PRKCA: variants seen among roughly 807,000 people sequenced by gnomAD.
PRKCA encodes the protein protein kinase C alpha type.
PRKCA carries 27 observed loss-of-function variants against 87.0 expected under a neutral mutation model. The ratio of observed to expected loss-of-function variants is 0.31; its 90% CI spans 0.23 to 0.43. The LOEUF (loss-of-function observed/expected upper bound fraction) is 0.43. Ranked by LOEUF, PRKCA falls within the 20% of genes least tolerant of loss-of-function variation. PRKCA has a pLI of 1.00. For synonymous variants in PRKCA, 329 were observed against 311.1 expected (o/e 1.06, Z -0.61); for missense variants, 518 against 852.3 (o/e 0.61, Z 4.88).
chr17:66,424,755 C>T (rs550146239), intron 2 of PRKCA, among the ~76,000 whole-genome samples: 1 of 151,402 alleles, frequency 6.6e-6, no homozygotes, highest in Non-Finnish European at 1.5e-5. Context: ...CCCACCCCCA[C>T]CGCCTTTTTT....
chr17:66,428,081 A>AT (rs1045952589), intron 2 of PRKCA, among the ~76,000 whole-genome samples: 3 of 151,930 alleles, frequency 2.0e-5, no homozygotes, highest in Non-Finnish European at 4.4e-5. Context: ...TACTTGTATG[A>AT]TTTTTTTCTC....
chr17:66,687,057 G>A, intron 5 of PRKCA, 54 bp from the exon 6 acceptor site: 2 of 1,458,698 alleles, frequency 1.4e-6, no homozygotes, highest in Non-Finnish European at 1.9e-6. Context: ...CAAGACAGCG[G>A]GCAATATAGG....
At chr17:66,777,678 G>C (rs984539147) in intron 14 of PRKCA, 1 of 985,192 alleles carries the variant, frequency 1.0e-6, no homozygotes, top group Non-Finnish European at 1.2e-6. Flanking sequence ...CCACTTGAAT[G>C]TTCAGCTCTT....
chr17:66,366,920 A>G (rs1908763994), intron 2 of PRKCA, among the ~76,000 whole-genome samples: 1 of 152,224 alleles, frequency 6.6e-6, no homozygotes, highest in Admixed American at 6.5e-5. Flanking sequence ...CTAAATTGTG[A>G]CATGCATTGA....
rs576574106 is a variant in PRKCA, at chr17:66,731,846, C to T, written c.919-842C>T. Among the ~76,000 whole-genome samples the T allele has an allele frequency of 1.7e-4, 23 of 132,280 alleles. 1 individual carries two copies. In the South Asian group the frequency reaches 3.3e-3, roughly 19 times the overall value. The allele number at this position is 132,280 out of a possible 152,430, so 86.8% of individuals were successfully genotyped here. ...GTCGCCAGGCTGGAGTGCAATGGCG[C>T]GATCTCAGCTCACTGCAACCTCCGC... On this transcript the variant is annotated intron_variant, in intron 8 of 16. Coordinates refer to ENST00000413366, the MANE Select transcript of PRKCA (RefSeq NM_002737.3).
intron 2 of PRKCA, among the ~76,000 whole-genome samples, chr17:66,335,685 A>G (rs1906619239): frequency 6.6e-6 from 1 of 152,102 alleles, no homozygotes; most frequent in Non-Finnish European, 1.5e-5. Context: ...CCCACATTAC[A>G]TATATTTTGA....
At chr17:66,500,055 C>T (rs1598723499) in intron 3 of PRKCA, among the ~76,000 whole-genome samples, 1 of 152,110 alleles carries the variant, frequency 6.6e-6, no homozygotes, top group African/African-American at 2.4e-5. Flanking sequence ...CTGAATGGGA[C>T]CAGCTCCCTT....
rs962285362 is a variant in PRKCA at position 66,691,040 on chromosome 17, C to T, written c.918+1993C>T. ...ATCCTAGCTACGAGAATCACTTGAA[C>T]CTGGGCACGAGAATCACTTGAACCT... is the stretch of plus-strand genomic sequence containing the variant. On this transcript the variant is annotated intron_variant, in intron 8 of 16. Coordinates refer to ENST00000413366, the MANE Select transcript of PRKCA (RefSeq NM_002737.3). Among the ~76,000 whole-genome samples, 3 of 151,470 alleles carry T rather than the reference C, an allele frequency of 2.0e-5. No homozygotes were observed. In the South Asian group the frequency reaches 6.3e-4, roughly 32 times the overall value.
intron 3 of PRKCA, among the ~76,000 whole-genome samples, chr17:66,628,599 G>A (rs1970923325): frequency 6.6e-6 from 1 of 151,944 alleles, no homozygotes; most frequent in Admixed American, 6.6e-5. Context: ...AGCAAGTATG[G>A]TTTTACCTAC....
At chr17:66,642,060 T>G (rs1861216690) in intron 4 of PRKCA, among the ~76,000 whole-genome samples, 1 of 152,134 alleles carries the variant, frequency 6.6e-6, no homozygotes, top group South Asian at 2.1e-4. Context: ...TTTCTGTTAT[T>G]TTTTGTTACG....
intron 3 of PRKCA, among the ~76,000 whole-genome samples, chr17:66,574,157 A>T (rs914779511): frequency 6.6e-6 from 1 of 152,230 alleles, no homozygotes; most frequent in Admixed American, 6.5e-5. Context: ...GGTGATATGT[A>T]TCAATAAGCT....
In PRKCA at chr17:66,602,959, G is replaced by T. The variant is rs1402020924; in HGVS notation, c.289-38396G>T. Among the ~76,000 whole-genome samples, 6 of 152,156 alleles carry T rather than the reference G, an allele frequency of 3.9e-5. No individual in the cohort carries two copies. In the East Asian group the frequency reaches 1.2e-3, roughly 29 times the overall value. On this transcript the variant is annotated intron_variant, in intron 3 of 16. Transcript: ENST00000413366. Reference sequence around the variant, plus strand: ...AGCCCACTAGGAGGACTCTCACTTTGCTGAGTCTCTCTTTCCCTTCTTTCT... The same window carrying T: ...AGCCCACTAGGAGGACTCTCACTTTTCTGAGTCTCTCTTTCCCTTCTTTCT...
At chr17:66,499,585 T>C (rs1464129123) in intron 3 of PRKCA, among the ~76,000 whole-genome samples, 1 of 152,112 alleles carries the variant, frequency 6.6e-6, no homozygotes, top group Non-Finnish European at 1.5e-5. Context: ...CATTATGGGG[T>C]CATCCTACTC....
At chr17:66,468,768 G>A (rs1019089258) in intron 2 of PRKCA, among the ~76,000 whole-genome samples, 4 of 152,122 alleles carry the variant, frequency 2.6e-5, no homozygotes, top group Middle Eastern at 3.2e-3. Context: ...AAACTGAAGA[G>A]AAACAGAAGT....
intron 2 of PRKCA, among the ~76,000 whole-genome samples, chr17:66,423,968 C>T (rs1049154004): frequency 9.2e-5 from 14 of 151,990 alleles, no homozygotes; most frequent in African/African-American, 2.9e-4. Context: ...CATAAAAACC[C>T]TGTTTATTAA....
intron 14 of PRKCA, among the ~76,000 whole-genome samples, chr17:66,785,378 G>A (rs1471187445): frequency 6.6e-6 from 1 of 152,160 alleles, no homozygotes; most frequent in African/African-American, 2.4e-5. Flanking sequence ...TCAAAATTAA[G>A]CCAAACACCA....
intron 3 of PRKCA, among the ~76,000 whole-genome samples, chr17:66,528,520 G>T (rs912889310): frequency 6.6e-6 from 1 of 152,146 alleles, no homozygotes; most frequent in African/African-American, 2.4e-5. Context: ...CAGAAGCAGA[G>T]TTGGGAGGGT....
At chr17:66,705,551 G>A (rs1055754022) in intron 8 of PRKCA, among the ~76,000 whole-genome samples, 2 of 152,222 alleles carry the variant, frequency 1.3e-5, no homozygotes, top group African/African-American at 4.8e-5. Flanking sequence ...CAGCATAAAA[G>A]CCCTGTGTCT....
intron 3 of PRKCA, among the ~76,000 whole-genome samples, chr17:66,514,013 G>A (rs1428464264): frequency 6.6e-6 from 1 of 152,110 alleles, no homozygotes; most frequent in Non-Finnish European, 1.5e-5. Flanking sequence ...GTTACTTTTA[G>A]TATAGTACAC....
Sources: allele counts gnomAD v4.1 joint callset (sites outside exome capture counted in the v4.1 genomes callset), GRCh38; gene constraint gnomAD v4.1.1; transcripts MANE v1.5; gene names NCBI Gene and HGNC (gene_info 2026-07-23, HGNC 2026-07-21).